The following BAIAP2L1 variants were observed in gnomAD, a reference collection of about 807,000 sequenced individuals.
The protein encoded by BAIAP2L1 is BAR/IMD domain-containing adapter protein 2-like 1.
A neutral mutation model predicts 66.3 loss-of-function variants in BAIAP2L1; 35 were observed. That is an observed-to-expected ratio of 0.53 (90% CI 0.40 to 0.70). The LOEUF is 0.70. Among genes scored for constraint, BAIAP2L1 ranks in the 30% least tolerant of loss-of-function variants. The pLI, the probability that BAIAP2L1 is intolerant of heterozygous loss-of-function variation, is 0.00. For synonymous variants in BAIAP2L1, 269 were observed against 248.7 expected, an observed-to-expected ratio of 1.08 and a Z score of -0.77; for missense variants, 622 against 656.9, an observed-to-expected ratio of 0.95 and a Z score of 0.58.
Position 98,391,657 on chromosome 7 carries a change from C to T in BAIAP2L1, c.51+9145G>A, listed in dbSNP as rs979181800. On this transcript the variant is annotated intron_variant, in intron 1 of 13. Transcript: ENST00000005260. ...AACTTGGGAGGTGGACGTTGTGAGC[C>T]GAGATCGTGCCACTGCACTCCAGCC... 3.4e-5 allele frequency among the ~76,000 whole-genome samples: 5 copies of T among 148,546 alleles called. No individual in the cohort carries two copies. The East Asian group carries it at 8.0e-4, about 24-fold the overall frequency.
chr7:98,342,019 A>T (rs959616219), intron 3 of BAIAP2L1, among the ~76,000 whole-genome samples: 47 of 150,420 alleles, frequency 3.1e-4, no homozygotes, highest in Non-Finnish European at 5.9e-4. Context: ...CATTTCAAAA[A>T]TGTTTCAGAA....
intron 8 of BAIAP2L1, among the ~76,000 whole-genome samples, chr7:98,311,562 A>C (rs991507886): frequency 6.6e-6 from 1 of 151,908 alleles, no homozygotes; most frequent in Non-Finnish European, 1.5e-5. Flanking sequence ...AAATAAAAAA[A>C]AAACAGTAAG....
rs759479268 is a variant in BAIAP2L1, at chr7:98,312,161, G to T, written c.743C>A (p.Thr248Asn). ...KIMNMIEEIK[T>N]PASTPVSGTP... ...TCCAGACACGGGGGTAGAGGCTGGG[G>T]TCTTTATTTCTTCGATCATATTCAT... The change falls in exon 8 of 14, where the codon ACC (threonine) becomes AAC (asparagine). Residue 248 changes from threonine to asparagine, a missense_variant. Coordinates refer to ENST00000005260, the MANE Select transcript of BAIAP2L1 (RefSeq NM_018842.5). 8 of 1,614,022 alleles carry T rather than the reference G, an allele frequency of 5.0e-6. No individual in the cohort carries two copies. In the Admixed American group the frequency reaches 1.0e-4, roughly 20 times the overall value.
chr7:98,311,534 G>T (rs905312439), intron 8 of BAIAP2L1, among the ~76,000 whole-genome samples: 2 of 151,486 alleles, frequency 1.3e-5, no homozygotes, highest in Admixed American at 1.3e-4. Flanking sequence ...GAGCAAGACT[G>T]TGTCTCAAAA....
chr7:98,336,409 T>A (rs1801618053), intron 3 of BAIAP2L1, among the ~76,000 whole-genome samples: 1 of 151,600 alleles, frequency 6.6e-6, no homozygotes. Context: ...AGGTCAGGAG[T>A]TCGAGACCAG....
chr7:98,351,523 G>A (rs1802001135), intron 3 of BAIAP2L1, among the ~76,000 whole-genome samples: 1 of 152,108 alleles, frequency 6.6e-6, no homozygotes, highest in African/African-American at 2.4e-5. Context: ...GGCAAAGGTT[G>A]TCAGCACACC....
At chr7:98,368,425 A>AAAAC (rs1262583433) in intron 1 of BAIAP2L1, among the ~76,000 whole-genome samples, 1 of 151,992 alleles carries the variant, frequency 6.6e-6, no homozygotes. Flanking sequence ...TCTCAAAAAC[A>AAAAC]AAACAAAACA....
At chr7:98,294,910 T>C (rs2116780122) in intron 12 of BAIAP2L1, among the ~76,000 whole-genome samples, 1 of 152,268 alleles carries the variant, frequency 6.6e-6, no homozygotes, top group East Asian at 1.9e-4. Flanking sequence ...GCCAGGTGTG[T>C]GCGCGCCTTC....
At chr7:98,374,423 T>C (rs1210448120) in intron 1 of BAIAP2L1, among the ~76,000 whole-genome samples, 1 of 152,192 alleles carries the variant, frequency 6.6e-6, no homozygotes, top group Non-Finnish European at 1.5e-5. Flanking sequence ...CTTTGAAATG[T>C]TGCATTTTAA....
chr7:98,330,630 C>G (rs1460358828), intron 3 of BAIAP2L1, among the ~76,000 whole-genome samples: 2 of 152,196 alleles, frequency 1.3e-5, no homozygotes, highest in Non-Finnish European at 2.9e-5. Flanking sequence ...GCATTCCAGC[C>G]TGGGTGACAG....
chr7:98,337,288 A>G (rs1389896646), intron 3 of BAIAP2L1, among the ~76,000 whole-genome samples: 5 of 151,472 alleles, frequency 3.3e-5, no homozygotes, highest in Non-Finnish European at 7.4e-5. Context: ...CTGGAGTGGA[A>G]TGGTGCAATC....
At chr7:98,373,995 C>G (rs1266377595) in intron 1 of BAIAP2L1, among the ~76,000 whole-genome samples, 2 of 152,160 alleles carry the variant, frequency 1.3e-5, no homozygotes, top group African/African-American at 4.8e-5. Context: ...CTGTGTTGCC[C>G]AGGCTGGAGT....
chr7:98,301,262 G>A (rs1800407292), intron 12 of BAIAP2L1, among the ~76,000 whole-genome samples: 1 of 152,180 alleles, frequency 6.6e-6, no homozygotes, highest in Admixed American at 6.5e-5. Context: ...CCCCTGTGCT[G>A]GATGGGCCTT....
chr7:98,319,548 C>CTTT (rs35466813), intron 5 of BAIAP2L1, among the ~76,000 whole-genome samples: 8 of 138,548 alleles, frequency 5.8e-5, no homozygotes, highest in East Asian at 2.1e-4. Context: ...TTTCCTATGC[C>CTTT]TTTTTTTTTT....
At chr7:98,330,595 T>G (rs1368492598) in intron 3 of BAIAP2L1, among the ~76,000 whole-genome samples, 1 of 150,342 alleles carries the variant, frequency 6.7e-6, no homozygotes, top group Non-Finnish European at 1.5e-5. Context: ...AGGCGGAGGT[T>G]GCAGTGAGCC....
intron 1 of BAIAP2L1, among the ~76,000 whole-genome samples, chr7:98,388,041 T>C (rs1210697224): frequency 6.6e-6 from 1 of 151,912 alleles, no homozygotes; most frequent in East Asian, 1.9e-4. Flanking sequence ...AGGCAGGTAA[T>C]AAACAGATGA....
intron 7 of BAIAP2L1, among the ~76,000 whole-genome samples, chr7:98,313,491 G>A (rs1478425757): frequency 6.6e-6 from 1 of 152,004 alleles, no homozygotes; most frequent in African/African-American, 2.4e-5. Flanking sequence ...CGACCCTGGT[G>A]CCACAGGATG....
At chr7:98,313,957 G>A (rs567643795) in intron 7 of BAIAP2L1, among the ~76,000 whole-genome samples, 35 of 149,730 alleles carry the variant, frequency 2.3e-4, no homozygotes, top group Non-Finnish European at 4.4e-4. Context: ...ATCTTATTTA[G>A]GGAGCTGAAT....
intron 3 of BAIAP2L1, among the ~76,000 whole-genome samples, chr7:98,333,029 C>T (rs183610850): frequency 1.3e-5 from 2 of 152,110 alleles, no homozygotes; most frequent in African/African-American, 4.8e-5. Context: ...AGCCTCAGGG[C>T]CTTTGCACTT....
Sources: gnomAD v4.1 joint callset for allele counts (sites outside exome capture counted in the v4.1 genomes callset) on GRCh38, gnomAD v4.1.1 for gene constraint, MANE v1.5 for transcripts, NCBI Gene and HGNC (gene_info 2026-07-23, HGNC 2026-07-21) for gene names.